Variants in TEX15 observed in about 807,000 individuals in gnomAD.
The protein encoded by TEX15 is testis expressed 15, meiosis and synapsis associated, also known as testis-expressed protein 15.
A neutral mutation model predicts 237.3 loss-of-function variants in TEX15; 171 were observed. The observed-to-expected ratio is 0.72, with a 90% CI of 0.64 to 0.82. TEX15 has a LOEUF of 0.82. Ranked by LOEUF, TEX15 falls within the 40% of genes least tolerant of loss-of-function variation. The pLI, the probability that TEX15 is intolerant of heterozygous loss-of-function variation, is 0.00. For missense variants in TEX15, 3,750 were observed against 3,646.5 expected (o/e 1.03, Z -0.73); for synonymous variants, 1,338 against 1,269.8 (o/e 1.05, Z -1.14).
chr8:30,865,871 C>T (rs1420922128), intron 5 of TEX15, among the ~76,000 whole-genome samples: 1 of 152,040 alleles, frequency 6.6e-6, no homozygotes, highest in Non-Finnish European at 1.5e-5. Context: ...AGCCTTTTTA[C>T]AAGGATCTTG....
Position 30,901,449 on chromosome 8 carries a change from G to A in TEX15, c.-85-2632C>T, listed in dbSNP as rs190245206. Among the ~76,000 whole-genome samples the A allele has an allele frequency of 3.3e-3, 507 of 152,310 alleles. 1 individual carries two copies. The highest frequency in any genetic ancestry group is 0.012 in the African/African-American group (494 of 41,562). On this transcript the variant is annotated intron_variant, in intron 1 of 10. Transcript: ENST00000643185. ...TCTGTTTTCAATCTCTGTTTAAGGAGATGCTAAGGATGTGTTTCATAATAA... is the reference window on the plus strand; with the variant it reads ...TCTGTTTTCAATCTCTGTTTAAGGAAATGCTAAGGATGTGTTTCATAATAA...
chr8:30,906,012 C>A (rs563713852), intron 1 of TEX15, among the ~76,000 whole-genome samples: 1 of 151,642 alleles, frequency 6.6e-6, no homozygotes, highest in Non-Finnish European at 1.5e-5. Context: ...TTTCTTCATA[C>A]GTAAAATGGG....
Position 30,837,159 on chromosome 8 carries a change from G to C in TEX15, c.9125C>G (p.Ser3042Cys), listed in dbSNP as rs1807323191. 1.2e-6 allele frequency: 2 copies of C among 1,614,078 alleles called. No individual in the cohort carries two copies. Among genetic ancestry groups the C allele is most frequent in the Non-Finnish European group, 1.7e-6 (2 of 1,179,956 alleles). The change falls in exon 10 of 11, where the codon TCT becomes TGT. Residue 3042 changes from serine to cysteine, a missense_variant. Transcript: ENST00000643185. The part of the protein sequence containing the change: ...EHLFGTSYPY[S>C]AWCVYQYSNS... Reference sequence around the variant, plus strand: ...GCTGTACTGATAAACACACCAAGCAGAGTATGGATATGAAGTTCCAAATAA... The same window carrying C: ...GCTGTACTGATAAACACACCAAGCACAGTATGGATATGAAGTTCCAAATAA...
chr8:30,910,397 C>T (rs2128780625), intron 1 of TEX15, among the ~76,000 whole-genome samples: 1 of 152,218 alleles, frequency 6.6e-6, no homozygotes, highest in Non-Finnish European at 1.5e-5. Flanking sequence ...ATGCTTTCTT[C>T]CCACTGGCCA....
At chr8:30,872,744 A>G (rs140788599) in intron 4 of TEX15, among the ~76,000 whole-genome samples, 102 of 152,246 alleles carry the variant, frequency 6.7e-4, no homozygotes, top group African/African-American at 2.3e-3. Flanking sequence ...AAAGAGTTCT[A>G]AAAGTTAAAA....
intron 5 of TEX15, among the ~76,000 whole-genome samples, chr8:30,864,749 T>G (rs1212529955): frequency 6.6e-6 from 1 of 151,956 alleles, no homozygotes; most frequent in Non-Finnish European, 1.5e-5. Flanking sequence ...ATAAACCATC[T>G]TTTTTAAGAA....
rs115720626 is a variant in TEX15 at position 30,854,551 on chromosome 8, C to T, written c.850+4117G>A. On this transcript the variant is annotated intron_variant, in intron 7 of 10. Coordinates refer to ENST00000643185, the MANE Select transcript of TEX15 (RefSeq NM_001350162.2). ...CCCCAGATGGCTTCCTTAGTGAAGT[C>T]TACCAAATGTTTAAAGAAGAAATAA... Among the ~76,000 whole-genome samples, 681 of 152,126 alleles carry T rather than the reference C, an allele frequency of 4.5e-3. 8 individuals are homozygous for T. Among genetic ancestry groups the T allele is most frequent in the African/African-American group, 0.016 (645 of 41,514 alleles).
chr8:30,848,700 A>T lies in TEX15; in HGVS notation c.1467T>A (p.Val489=). The T allele has an allele frequency of 6.2e-7, 1 of 1,614,216 alleles. No individual in the cohort carries two copies. The highest frequency in any genetic ancestry group is 8.5e-7 in the Non-Finnish European group (1 of 1,180,020). Reference sequence around the variant, plus strand: ...AAGGGGTATCCAAACCATTAGTAAGAACAGCACAATCACCAGGGACAACTT... The same window carrying T: ...AAGGGGTATCCAAACCATTAGTAAGTACAGCACAATCACCAGGGACAACTT... ...SSEVVPGDCA[V]LTNGLDTPCF... The change falls in exon 8 of 11, where the codon GTT becomes GTA. Residue 489 remains valine (V), a synonymous_variant. Transcript: ENST00000643185.
intron 10 of TEX15, among the ~76,000 whole-genome samples, chr8:30,834,824 C>T (rs1807256384): frequency 6.6e-6 from 1 of 152,080 alleles, no homozygotes; most frequent in African/African-American, 2.4e-5. Flanking sequence ...TGATATAACT[C>T]CAAAGCAGAG....
At position 30,848,078 on chromosome 8, in the gene TEX15, T is replaced by C. The variant is rs749198052; in HGVS notation, c.2089A>G (p.Thr697Ala). Residue 697 changes from threonine to alanine, a missense_variant, in exon 8 of 11, where the codon ACC becomes GCC. Physicochemically the swap from Thr to Ala is moderately conservative, Grantham distance 58 (BLOSUM62 0). Transcript: ENST00000643185. ...TCTAGTTCATCCTTATCCTTTATGG[T>C]AGATGTAGAAGATTTTGTTATTTCT... ...ELEITKSSTSTIKDKDELDHL... is the reference protein window; with the variant it reads ...ELEITKSSTSAIKDKDELDHL... 164 of 1,612,672 alleles carry C rather than the reference T, an allele frequency of 1.0e-4. No individual in the cohort carries two copies. The highest frequency in any genetic ancestry group is 1.4e-4 in the Non-Finnish European group (161 of 1,179,434).
rs142916198 is a variant in TEX15, at chr8:30,838,007, G to C, written c.8277C>G (p.Asp2759Glu). Residue 2759 changes from aspartate to glutamate, a missense_variant, in exon 10 of 11, where the codon GAC (aspartate) becomes GAG (glutamate). By Grantham distance (45) the Asp-to-Glu change is conservative. Transcript: ENST00000643185. ...GCGTTAAATGATTTCTTTTCAGACT[G>C]TCACATGAACTTGGTACTATTTTGT... ...SENKIVPSSC[D>E]SLKRNHLTPK... 1 of 1,613,942 alleles carries C rather than the reference G, an allele frequency of 6.2e-7. No individual in the cohort carries two copies. Among genetic ancestry groups the C allele is most frequent in the East Asian group, 2.2e-5 (1 of 44,860 alleles).
intron 1 of TEX15, 143 bp from the exon 2 acceptor site, chr8:30,898,960 G>C (rs1399442680): frequency 1.3e-5 from 2 of 151,868 alleles, no homozygotes; most frequent in Non-Finnish European, 2.9e-5. Context: ...TTCCATTCTG[G>C]GGGAGGGAGC....
intron 9 of TEX15, 48 bp downstream of exon 9, chr8:30,839,858 C>A: frequency 1.5e-6 from 2 of 1,328,222 alleles, no homozygotes; most frequent in Non-Finnish European, 1.1e-6. Context: ...AGTATTTGCC[C>A]AATTTTGTTC....
chr8:30,859,461 C>T (rs1331618700), intron 6 of TEX15, among the ~76,000 whole-genome samples: 2 of 151,832 alleles, frequency 1.3e-5, no homozygotes, highest in Non-Finnish European at 2.9e-5. Flanking sequence ...ATTTGTGGGG[C>T]ACAATGTGGT....
At chr8:30,859,875 G>A in intron 6 of TEX15, 36 bp downstream of exon 6, 3 of 1,352,568 alleles carry the variant, frequency 2.2e-6, no homozygotes, top group Non-Finnish European at 2.8e-6. Flanking sequence ...TGTGAAACAT[G>A]TACTTTTCAA....
intron 7 of TEX15, among the ~76,000 whole-genome samples, chr8:30,854,865 A>T (rs991825802): frequency 6.6e-6 from 1 of 152,150 alleles, no homozygotes; most frequent in Non-Finnish European, 1.5e-5. Flanking sequence ...TATCGATAAA[A>T]ACAACAACAA....
intron 5 of TEX15, among the ~76,000 whole-genome samples, chr8:30,861,136 C>T (rs900644443): frequency 1.3e-5 from 2 of 151,866 alleles, no homozygotes; most frequent in African/African-American, 4.8e-5. Context: ...ATTAAAGATA[C>T]CGTTTGAAAT....
rs1807510361 is a variant in TEX15 at position 30,843,370 on chromosome 8, C to T, written c.6797G>A (p.Gly2266Asp). 1 of 1,612,622 alleles carries T rather than the reference C, an allele frequency of 6.2e-7. No homozygotes were observed. Among genetic ancestry groups the T allele is most frequent in the African/African-American group, 1.3e-5 (1 of 74,862 alleles). The change falls in exon 8 of 11, where the codon GGT (glycine) becomes GAT (aspartate). Residue 2266 changes from glycine (G) to aspartate (D), a missense_variant. By Grantham distance (94) the Gly-to-Asp change is moderately conservative (BLOSUM62 -1). Coordinates refer to ENST00000643185, the MANE Select transcript of TEX15 (RefSeq NM_001350162.2). Reference protein sequence around the residue: ...EAVRVKISLYGLEHIFFDAAK... With the variant: ...EAVRVKISLYDLEHIFFDAAK... ...AGCATCAAAAAAGATATGTTCCAGA[C>T]CATAAAGAGATATTTTAACACGTAC...
chr8:30,838,688 TTA>T (rs201659844), intron 9 of TEX15, among the ~76,000 whole-genome samples: 12,457 of 56,296 alleles, frequency 0.22, 630 homozygotes, highest in South Asian at 0.31. Flanking sequence ...CCTGAGGTAA[TTA>T]TATATATACA....
Sources: gnomAD v4.1 joint callset for allele counts (sites outside exome capture counted in the v4.1 genomes callset) on GRCh38, gnomAD v4.1.1 for gene constraint, MANE v1.5 for transcripts, NCBI Gene and HGNC (gene_info 2026-07-23, HGNC 2026-07-21) for gene names.